The following ZNF701 variants were observed in gnomAD, a reference collection of about 807,000 sequenced individuals.
The protein encoded by ZNF701 is zinc finger protein 701.
In ZNF701, 6 loss-of-function variants were observed where a neutral mutation model predicts 7.1. The observed-to-expected ratio is 0.84, with a 90% CI of 0.46 to 1.66. The LOEUF (loss-of-function observed/expected upper bound fraction) is 1.66, where lower values mean the gene tolerates loss of function less well. Ranked by LOEUF, ZNF701 falls within the 40% of genes most tolerant of loss-of-function variation. The pLI is 0.01. For synonymous variants in ZNF701, 166 were observed against 188.2 expected (o/e 0.88, Z 0.97); for missense variants, 541 against 559.2 (o/e 0.97, Z 0.33).
chr19:52,588,687 T>G (rs78271731), downstream of ZNF701: 29,595 of 274,212 alleles, frequency 0.11, 1,793 homozygotes, highest in Middle Eastern at 0.16. Flanking sequence ...GTAGCCAGTC[T>G]TCTGTGATTC....
rs554362208 is a variant in ZNF701 at position 52,578,819 on chromosome 19, G to A, written c.142+2798G>A. On this transcript the variant is annotated intron_variant, in intron 3 of 3. Coordinates refer to ENST00000391785, the MANE Select transcript of ZNF701 (RefSeq NM_018260.3). The stretch of plus-strand genomic sequence containing the variant: ...GTCGCCCAGGCTGGAGTGCAGTGGT[G>A]CGATCTCGGCTCACTGCAAGCTCCA... Among the ~76,000 whole-genome samples, 512 of 152,146 alleles carry A rather than the reference G, an allele frequency of 3.4e-3. 1 individual carries two copies. The highest frequency in any genetic ancestry group is 5.5e-3 in the Admixed American group (84 of 15,282).
At chr19:52,596,047 T>C in the ZNF701 span, 3 of 1,401,828 alleles carry the variant, frequency 2.1e-6, no homozygotes, top group South Asian at 2.3e-5. Context: ...CTATTAAGTA[T>C]GGGAAGAATT....
chr19:52,570,996 C>T (rs973487837), intron 1 of ZNF701: 1 of 151,550 alleles, frequency 6.6e-6, no homozygotes, highest in Non-Finnish European at 1.5e-5. Context: ...GATCAGGAGA[C>T]AGAGAGTAGT....
At chr19:52,572,863 A>G (rs2059909873) in intron 1 of ZNF701, among the ~76,000 whole-genome samples, 1 of 151,944 alleles carries the variant, frequency 6.6e-6, no homozygotes. Flanking sequence ...TCTTTTCCCA[A>G]ACATCAAAAC....
chr19:52,594,505 T>TC, the ZNF701 span, among the ~76,000 whole-genome samples: 41 of 124,358 alleles, frequency 3.3e-4, no homozygotes, highest in Admixed American at 1.1e-3. Context: ...TTTGTTCTGT[T>TC]TTTTTTGTTT....
chr19:52,578,595 C>A (rs2059953074), intron 3 of ZNF701, among the ~76,000 whole-genome samples: 1 of 152,222 alleles, frequency 6.6e-6, no homozygotes, highest in Non-Finnish European at 1.5e-5. Context: ...ACCCGCTAAG[C>A]CCGCAGGGCT....
intron 3 of ZNF701, among the ~76,000 whole-genome samples, chr19:52,576,757 A>G (rs533792969): frequency 6.6e-6 from 1 of 152,242 alleles, no homozygotes; most frequent in East Asian, 1.9e-4. Context: ...TCCTACAGAA[A>G]TATAGGGCTG....
At chr19:52,591,267 T>C (rs2060035817), downstream of ZNF701, among the ~76,000 whole-genome samples, 1 of 152,170 alleles carries the variant, frequency 6.6e-6, no homozygotes. Context: ...AACTTCTGCC[T>C]CCAGAGTTCT....
intron 3 of ZNF701, among the ~76,000 whole-genome samples, chr19:52,577,832 T>C (rs1197235465): frequency 1.3e-5 from 2 of 152,116 alleles, no homozygotes; most frequent in African/African-American, 4.8e-5. Flanking sequence ...AACCCCTCCC[T>C]GTGGTGCTGT....
the ZNF701 span, chr19:52,595,890 A>G: frequency 6.2e-7 from 1 of 1,613,192 alleles, no homozygotes; most frequent in Non-Finnish European, 8.5e-7. Context: ...ATTAAAGATC[A>G]GCTTGGATCA....
chr19:52,593,168 C>T, the ZNF701 span, among the ~76,000 whole-genome samples: 1 of 118,184 alleles, frequency 8.5e-6, no homozygotes, highest in Non-Finnish European at 1.8e-5. Context: ...AAAAGTCTCC[C>T]ATGTCTACCT....
At chr19:52,573,542 T>G (rs2059913580) in intron 1 of ZNF701, among the ~76,000 whole-genome samples, 1 of 151,124 alleles carries the variant, frequency 6.6e-6, no homozygotes, top group African/African-American at 2.4e-5. Context: ...CAGCCCCAAT[T>G]TTTGTGTTTT....
the ZNF701 span, among the ~76,000 whole-genome samples, chr19:52,593,036 C>T: frequency 2.6e-5 from 3 of 117,180 alleles, 1 homozygote; most frequent in East Asian, 2.2e-4. Context: ...CTTGCACCAC[C>T]CTTAATCCAT....
the ZNF701 span, chr19:52,595,954 T>A: frequency 6.2e-7 from 1 of 1,611,978 alleles, no homozygotes; most frequent in African/African-American, 1.3e-5. Context: ...AAGGGAAAAT[T>A]GGTAATCAAG....
At chr19:52,597,497 G>A in the ZNF701 span, 1 of 384,828 alleles carries the variant, frequency 2.6e-6, no homozygotes, top group South Asian at 2.0e-5. Flanking sequence ...ACTTGAGATT[G>A]AGTTGACTTA....
rs2059984745 is a variant in ZNF701, at chr19:52,582,834, G to C, written c.775G>C (p.Ala259Pro). The change falls in exon 4 of 4, where the codon GCA becomes CCA. Residue 259 changes from alanine (A) to proline (P), a missense_variant. Coordinates refer to ENST00000391785, the MANE Select transcript of ZNF701 (RefSeq NM_018260.3). ...GKDFHQKRYL[A>P]CHRCHTGENP... ...GGACTTTCATCAGAAGCGATACCTT[G>C]CATGCCATAGATGTCACACTGGTGA... The C allele has an allele frequency of 6.2e-7, 1 of 1,614,018 alleles. No individual in the cohort carries two copies. Among genetic ancestry groups the C allele is most frequent in the Admixed American group, 1.7e-5 (1 of 59,988 alleles).
the ZNF701 span, among the ~76,000 whole-genome samples, chr19:52,593,495 G>A: frequency 8.7e-6 from 1 of 114,868 alleles, no homozygotes; most frequent in Non-Finnish European, 1.9e-5. Context: ...GGGTAGAGGC[G>A]CCCCTCACCT....
downstream of ZNF701, among the ~76,000 whole-genome samples, chr19:52,588,293 C>G (rs1196644106): frequency 1.3e-5 from 2 of 151,874 alleles, no homozygotes; most frequent in Non-Finnish European, 2.9e-5. Flanking sequence ...CGAGACCATC[C>G]TGGCCAACAT....
chr19:52,588,155 T>C (rs1440375708), downstream of ZNF701, among the ~76,000 whole-genome samples: 1 of 151,710 alleles, frequency 6.6e-6, no homozygotes, highest in South Asian at 2.1e-4. Flanking sequence ...CTCCCCTGTG[T>C]GTGTGTTTTG....
Sources: gnomAD v4.1 joint callset for allele counts (sites outside exome capture counted in the v4.1 genomes callset) on GRCh38, gnomAD v4.1.1 for gene constraint, MANE v1.5 for transcripts, NCBI Gene and HGNC (gene_info 2026-07-23, HGNC 2026-07-21) for gene names.